The following PTPRG variants were observed in gnomAD, a reference collection of about 807,000 sequenced individuals.
PTPRG encodes the protein protein tyrosine phosphatase receptor type G.
In PTPRG, 102 loss-of-function variants were observed where a neutral mutation model predicts 165.3. That is an observed-to-expected ratio of 0.62 (90% CI 0.53 to 0.73). The LOEUF (loss-of-function observed/expected upper bound fraction) is 0.73. PTPRG is among the 30% of genes least tolerant of loss of function. PTPRG has a pLI of 0.00. For synonymous variants in PTPRG, 675 were observed against 669.5 expected (o/e 1.01, Z -0.13); for missense variants, 1,866 against 1,861.4 (o/e 1.00, Z -0.05).
intron 4 of PTPRG, among the ~76,000 whole-genome samples, chr3:62,038,847 T>C (rs907022632): frequency 3.3e-5 from 5 of 152,214 alleles, no homozygotes; most frequent in African/African-American, 1.2e-4. Context: ...AGGCTTGTTA[T>C]ATAGCTAAAC....
At chr3:61,757,308 T>A (rs2033663771) in intron 2 of PTPRG, among the ~76,000 whole-genome samples, 1 of 152,190 alleles carries the variant, frequency 6.6e-6, no homozygotes, top group South Asian at 2.1e-4. Context: ...TCTAGAATAT[T>A]TCAATTTCTT....
At chr3:61,781,168 C>G (rs1559608300) in intron 2 of PTPRG, among the ~76,000 whole-genome samples, 1 of 152,124 alleles carries the variant, frequency 6.6e-6, no homozygotes. Context: ...GGGGCTGAAT[C>G]TATTGGGAAA....
At chr3:61,868,686 G>GT (rs1161377406) in intron 2 of PTPRG, among the ~76,000 whole-genome samples, 2 of 152,304 alleles carry the variant, frequency 1.3e-5, no homozygotes, top group Admixed American at 6.5e-5. Context: ...TAATGGGACA[G>GT]TTTTTTTGTT....
chr3:61,917,041 T>C (rs1436571233), intron 2 of PTPRG, among the ~76,000 whole-genome samples: 1 of 152,160 alleles, frequency 6.6e-6, no homozygotes, highest in Admixed American at 6.5e-5. Flanking sequence ...CCTAGCGATG[T>C]GGGGACTGGA....
intron 2 of PTPRG, among the ~76,000 whole-genome samples, chr3:61,864,964 A>T (rs763310407): frequency 1.3e-5 from 2 of 152,158 alleles, no homozygotes; most frequent in African/African-American, 4.8e-5. Flanking sequence ...TGCCACTGTC[A>T]TGGGGTCACA....
intron 1 of PTPRG, among the ~76,000 whole-genome samples, chr3:61,680,605 A>G (rs1269023905): frequency 6.6e-6 from 1 of 151,628 alleles, no homozygotes. Flanking sequence ...GTCCTTCAAA[A>G]AAAAAAATCA....
intron 2 of PTPRG, among the ~76,000 whole-genome samples, chr3:61,788,750 T>C (rs2034786531): frequency 6.6e-6 from 1 of 152,258 alleles, no homozygotes; most frequent in South Asian, 2.1e-4. Context: ...GTTTTCGTTG[T>C]AGCTGTTCAG....
At chr3:61,928,571 T>C (rs991548626) in intron 2 of PTPRG, among the ~76,000 whole-genome samples, 1 of 152,222 alleles carries the variant, frequency 6.6e-6, no homozygotes, top group Non-Finnish European at 1.5e-5. Context: ...TGCTGAAGTT[T>C]ATGAGCATTT....
At chr3:62,120,791 G>T (rs1037574543) in intron 5 of PTPRG, among the ~76,000 whole-genome samples, 1 of 151,874 alleles carries the variant, frequency 6.6e-6, no homozygotes, top group Non-Finnish European at 1.5e-5. Context: ...AGATTGGGGT[G>T]TGGGTAGACG....
chr3:61,798,638 T>TTA (rs1477023810), intron 2 of PTPRG, among the ~76,000 whole-genome samples: 2 of 151,150 alleles, frequency 1.3e-5, no homozygotes, highest in South Asian at 2.1e-4. Context: ...TTTTTTTTTT[T>TTA]AAACCCTTTG....
At chr3:62,181,817 A>T (rs1361235335) in intron 8 of PTPRG, among the ~76,000 whole-genome samples, 1 of 152,162 alleles carries the variant, frequency 6.6e-6, no homozygotes, top group African/African-American at 2.4e-5. Context: ...CCAGCTGCAG[A>T]TCTAAAAATC....
chr3:62,267,313 A>G, intron 17 of PTPRG, 97 bp from the exon 18 acceptor site: 1 of 904,968 alleles, frequency 1.1e-6, no homozygotes, highest in South Asian at 1.6e-5. Flanking sequence ...ACCTTGGGAG[A>G]TGTCATGTTA....
intron 1 of PTPRG, among the ~76,000 whole-genome samples, chr3:61,621,051 A>ATATATATATATATATATATATATGTGTG: frequency 8.5e-6 from 1 of 117,948 alleles, no homozygotes; most frequent in African/African-American, 3.0e-5. Context: ...ATATATATAT[A>ATATATATATATATATATATATATGTGTG]TGTGTGTGTG....
At chr3:62,162,476 C>A (rs1704805067) in intron 7 of PTPRG, among the ~76,000 whole-genome samples, 1 of 152,076 alleles carries the variant, frequency 6.6e-6, no homozygotes, top group South Asian at 2.1e-4. Flanking sequence ...CAAGATAAAT[C>A]CAAGTGTGTT....
At chr3:62,156,485 TC>T (rs1225182426) in intron 6 of PTPRG, among the ~76,000 whole-genome samples, 4 of 152,238 alleles carry the variant, frequency 2.6e-5, no homozygotes, top group African/African-American at 9.6e-5. Flanking sequence ...TTTTTAAATT[TC>T]TAGTTGTGCC....
chr3:61,766,858 G>A (rs1046310923), intron 2 of PTPRG, among the ~76,000 whole-genome samples: 2 of 151,742 alleles, frequency 1.3e-5, no homozygotes, highest in African/African-American at 4.8e-5. Context: ...GATCTCAAAT[G>A]ATCTGCACAC....
chr3:62,167,948 C>T (rs765093266), intron 7 of PTPRG, 23 bp from the exon 8 acceptor site: 64 of 1,588,212 alleles, frequency 4.0e-5, no homozygotes, highest in Non-Finnish European at 5.2e-5. Flanking sequence ...TTTTCCCCCT[C>T]CCCTCTCTGG....
chr3:62,242,534 G>C (rs1701183975), intron 14 of PTPRG, among the ~76,000 whole-genome samples: 1 of 152,174 alleles, frequency 6.6e-6, no homozygotes, highest in African/African-American at 2.4e-5. Context: ...TTCATACTAT[G>C]ACATGTGATC....
chr3:61,737,060 A>G (rs899054484), intron 1 of PTPRG, among the ~76,000 whole-genome samples: 1 of 151,934 alleles, frequency 6.6e-6, no homozygotes, highest in African/African-American at 2.4e-5. Flanking sequence ...GGTGGATGCC[A>G]CCCTTTTTCC....
Sources: gnomAD v4.1 joint callset for allele counts (sites outside exome capture counted in the v4.1 genomes callset) on GRCh38, gnomAD v4.1.1 for gene constraint, MANE v1.5 for transcripts, NCBI Gene and HGNC (gene_info 2026-07-23, HGNC 2026-07-21) for gene names.